Variants in FBXL17 observed in about 807,000 individuals in gnomAD.
FBXL17 encodes F-box/LRR-repeat protein 17.
In FBXL17, 22 loss-of-function variants were observed where a neutral mutation model predicts 66.2. The observed-to-expected ratio is 0.33, with a 90% CI of 0.24 to 0.47. FBXL17 has a LOEUF of 0.47. Ranked by LOEUF, FBXL17 falls within the 20% of genes least tolerant of loss-of-function variation. FBXL17 has a pLI of 1.00. For synonymous variants in FBXL17, 474 were observed against 400.5 expected, an observed-to-expected ratio of 1.18 and a Z score of -2.19; for missense variants, 878 against 948.2, an observed-to-expected ratio of 0.93 and a Z score of 0.97.
chr5:108,281,636 A>G (rs2150150608), intron 4 of FBXL17, among the ~76,000 whole-genome samples: 1 of 152,014 alleles, frequency 6.6e-6, no homozygotes, highest in Non-Finnish European at 1.5e-5. Flanking sequence ...CATAAAAGCA[A>G]GAATAAAATA....
chr5:108,159,497 G>A (rs747659589), intron 6 of FBXL17, among the ~76,000 whole-genome samples: 4 of 152,106 alleles, frequency 2.6e-5, no homozygotes, highest in East Asian at 1.9e-4. Context: ...ATTCACTACC[G>A]TATCAAAGAG....
intron 6 of FBXL17, among the ~76,000 whole-genome samples, chr5:108,077,458 G>C (rs1358561931): frequency 1.3e-5 from 2 of 152,126 alleles, no homozygotes; most frequent in Non-Finnish European, 2.9e-5. Context: ...GAGCCCAGGA[G>C]TTTTAGACCA....
Position 108,364,918 on chromosome 5 carries a change from A to G in FBXL17, c.1194T>C (p.Ser398=). ...IIEINISDCR[S]MSDNGVCVLA... The stretch of plus-strand genomic sequence containing the variant: ...AAACACATACGCCATTATCAGACAT[A>G]CTGCGACAATCAGAAATGTTGATTT... Residue 398 remains serine (S), a synonymous_variant, in exon 3 of 9, where the codon AGT becomes AGC. Transcript: ENST00000542267. The G allele has an allele frequency of 6.2e-7, 1 of 1,612,622 alleles. No homozygotes were observed. The highest frequency in any genetic ancestry group is 8.5e-7 in the Non-Finnish European group (1 of 1,178,882).
intron 3 of FBXL17, among the ~76,000 whole-genome samples, chr5:108,355,417 G>C (rs1486228217): frequency 2.0e-5 from 3 of 151,854 alleles, no homozygotes; most frequent in Non-Finnish European, 2.9e-5. Flanking sequence ...TGAATAGCTG[G>C]AATTACAGCC....
rs1404139620 is a variant in FBXL17, at chr5:108,158,505, G to C, written c.1745+27612C>G. On this transcript the variant is annotated intron_variant, in intron 6 of 8. Coordinates refer to ENST00000542267, the MANE Select transcript of FBXL17 (RefSeq NM_001163315.3). ...CAGTGACAGTGGGGCGTGTGTGTGT[G>C]TGTCTGTGTGTGTGTGTGTGTGTGT... Among the ~76,000 whole-genome samples the C allele has an allele frequency of 6.4e-5, 6 of 93,786 alleles. No homozygotes were observed. The East Asian group carries it at 2.1e-3, about 33-fold the overall frequency. 61.5% of individuals were successfully genotyped at this position (93,786 alleles called of 152,430 possible). A position where few individuals can be genotyped will look rare whatever the true frequency, so the allele number is the denominator to read the frequency against.
chr5:108,121,255 C>G (rs1352530894), intron 6 of FBXL17, among the ~76,000 whole-genome samples: 1 of 151,968 alleles, frequency 6.6e-6, no homozygotes, highest in African/African-American at 2.4e-5. Context: ...TTGAACCCAG[C>G]TGACAGAGGT....
chr5:108,115,373 A>AT (rs201498398), intron 6 of FBXL17, among the ~76,000 whole-genome samples: 3,055 of 152,142 alleles, frequency 0.02, 52 homozygotes, highest in South Asian at 0.042. Context: ...AGTATTTAAA[A>AT]TTTTTTTTAA....
chr5:107,909,152 T>G (rs1413847450), intron 7 of FBXL17, among the ~76,000 whole-genome samples: 1 of 152,150 alleles, frequency 6.6e-6, no homozygotes, highest in Non-Finnish European at 1.5e-5. Context: ...CAATGTAGAT[T>G]GAGTAAAAAC....
intron 4 of FBXL17, among the ~76,000 whole-genome samples, chr5:108,335,916 GA>G (rs138748338): frequency 2.0e-5 from 3 of 149,110 alleles, no homozygotes; most frequent in Non-Finnish European, 3.0e-5. Flanking sequence ...TTCTAGAGGG[GA>G]AAAAAAAACA....
intron 5 of FBXL17, among the ~76,000 whole-genome samples, chr5:108,205,430 T>C (rs1754077796): frequency 6.6e-6 from 1 of 152,214 alleles, no homozygotes; most frequent in African/African-American, 2.4e-5. Flanking sequence ...CAATGACCAC[T>C]TCACATTCAA....
At chr5:108,219,928 C>CTTTATTTTTTT (rs1754780586) in intron 5 of FBXL17, among the ~76,000 whole-genome samples, 1 of 37,432 alleles carries the variant, frequency 2.7e-5, no homozygotes, top group African/African-American at 1.2e-4. Context: ...TTACTATTTC[C>CTTTATTTTTTT]TTTTTTTTTT....
intron 5 of FBXL17, among the ~76,000 whole-genome samples, chr5:108,199,019 C>T (rs1753787603): frequency 6.6e-6 from 1 of 151,996 alleles, no homozygotes; most frequent in Non-Finnish European, 1.5e-5. Flanking sequence ...AAGAAATGTC[C>T]AACTGTAAAA....
intron 4 of FBXL17, among the ~76,000 whole-genome samples, chr5:108,266,091 C>A (rs1164079175): frequency 6.6e-6 from 1 of 151,888 alleles, no homozygotes; most frequent in Non-Finnish European, 1.5e-5. Context: ...GGGGCACATA[C>A]TAAAAATATA....
chr5:108,225,902 T>C (rs1292023192), intron 4 of FBXL17, among the ~76,000 whole-genome samples: 1 of 152,200 alleles, frequency 6.6e-6, no homozygotes, highest in Non-Finnish European at 1.5e-5. Flanking sequence ...ATTTGCTTCT[T>C]GTATCAACTA....
chr5:108,080,865 G>A (rs931198767), intron 6 of FBXL17, among the ~76,000 whole-genome samples: 11 of 152,208 alleles, frequency 7.2e-5, no homozygotes, highest in African/African-American at 2.4e-4. Context: ...CCAAGTAGCA[G>A]GTTTCAGAGA....
At chr5:108,136,418 T>C (rs1382854498) in intron 6 of FBXL17, among the ~76,000 whole-genome samples, 1 of 152,180 alleles carries the variant, frequency 6.6e-6, no homozygotes, top group African/African-American at 2.4e-5. Context: ...CTGTAATACA[T>C]TTCTGGGTAC....
intron 6 of FBXL17, among the ~76,000 whole-genome samples, chr5:108,071,409 T>C (rs1263570591): frequency 6.6e-6 from 1 of 152,134 alleles, no homozygotes; most frequent in Non-Finnish European, 1.5e-5. Flanking sequence ...GACTTGAAAT[T>C]AGAAAGAAAA....
At chr5:108,165,553 G>A (rs1337020611) in intron 6 of FBXL17, among the ~76,000 whole-genome samples, 3 of 152,180 alleles carry the variant, frequency 2.0e-5, no homozygotes, top group Admixed American at 2.0e-4. Flanking sequence ...AGGCAAGGGA[G>A]TAGCTGAGAA....
At chr5:108,372,826 T>A (rs1458950356) in intron 1 of FBXL17, among the ~76,000 whole-genome samples, 1 of 152,194 alleles carries the variant, frequency 6.6e-6, no homozygotes, top group Non-Finnish European at 1.5e-5. Flanking sequence ...AAATCACATA[T>A]GAACTAAAGG....
Sources: allele counts gnomAD v4.1 joint callset (sites outside exome capture counted in the v4.1 genomes callset), GRCh38; gene constraint gnomAD v4.1.1; transcripts MANE v1.5; gene names NCBI Gene and HGNC (gene_info 2026-07-23, HGNC 2026-07-21).